Variants in MACROD2 observed in about 807,000 individuals in gnomAD.
The protein encoded by MACROD2 is mono-ADP ribosylhydrolase 2.
A neutral mutation model predicts 70.4 loss-of-function variants in MACROD2; 36 were observed. The ratio of observed to expected loss-of-function variants is 0.51; its 90% CI spans 0.39 to 0.68. MACROD2 has a LOEUF of 0.68. MACROD2 is among the 30% of genes least tolerant of loss of function. The pLI is 0.00. For missense variants in MACROD2, 496 were observed against 538.4 expected, an observed-to-expected ratio of 0.92 and a Z score of 0.78; for synonymous variants, 172 against 178.8, an observed-to-expected ratio of 0.96 and a Z score of 0.30.
chr20:14,791,620 G>A (rs920331422), intron 5 of MACROD2, among the ~76,000 whole-genome samples: 10 of 151,954 alleles, frequency 6.6e-5, no homozygotes, highest in African/African-American at 2.4e-4. Context: ...GATGACCTTA[G>A]ACATGAATCA....
intron 3 of MACROD2, among the ~76,000 whole-genome samples, chr20:14,440,008 A>G (rs2084103938): frequency 1.3e-5 from 2 of 152,252 alleles, no homozygotes; most frequent in East Asian, 3.9e-4. Flanking sequence ...CACATCCCGT[A>G]GGTCATCTCT....
At chr20:14,973,972 G>T (rs754695262) in intron 5 of MACROD2, among the ~76,000 whole-genome samples, 41 of 152,166 alleles carry the variant, frequency 2.7e-4, no homozygotes, top group Non-Finnish European at 4.7e-4. Flanking sequence ...GAAAATTATG[G>T]AAGCCTGCCT....
At chr20:14,926,738 AT>A (rs1255653935) in intron 5 of MACROD2, among the ~76,000 whole-genome samples, 2 of 152,110 alleles carry the variant, frequency 1.3e-5, no homozygotes, top group African/African-American at 4.8e-5. Context: ...TTGACATGAT[AT>A]TTTTTCCCTT....
At chr20:15,977,980 G>A (rs917905087) in intron 13 of MACROD2, among the ~76,000 whole-genome samples, 6 of 152,204 alleles carry the variant, frequency 3.9e-5, no homozygotes, top group Non-Finnish European at 7.3e-5. Flanking sequence ...TAGAGATTAC[G>A]TGTGAAGTAT....
chr20:15,386,037 A>G (rs566132642), intron 6 of MACROD2, among the ~76,000 whole-genome samples: 48 of 152,294 alleles, frequency 3.2e-4, no homozygotes, highest in African/African-American at 1.2e-3. Context: ...TCACATTGAC[A>G]ACGATTAAGA....
intron 2 of MACROD2, among the ~76,000 whole-genome samples, chr20:14,039,912 C>A (rs749917040): frequency 6.6e-6 from 1 of 151,814 alleles, no homozygotes; most frequent in Non-Finnish European, 1.5e-5. Flanking sequence ...GAATTTAACT[C>A]AGTGATGTCG....
At chr20:13,997,438 G>A (rs1043163776) in intron 1 of MACROD2, among the ~76,000 whole-genome samples, 1 of 152,184 alleles carries the variant, frequency 6.6e-6, no homozygotes, top group Non-Finnish European at 1.5e-5. Context: ...GGGCAAAACA[G>A]TGGAAGACAT....
At chr20:15,087,776 A>G (rs1034378315) in intron 5 of MACROD2, among the ~76,000 whole-genome samples, 20 of 152,012 alleles carry the variant, frequency 1.3e-4, no homozygotes, top group African/African-American at 4.6e-4. Flanking sequence ...TGGGAAAAAT[A>G]TGTTACCAAT....
chr20:14,695,471 A>G (rs1011867749), intron 5 of MACROD2, among the ~76,000 whole-genome samples: 5 of 152,196 alleles, frequency 3.3e-5, no homozygotes, highest in African/African-American at 1.2e-4. Context: ...GTTCACATTC[A>G]TAAGTTCCAG....
intron 3 of MACROD2, among the ~76,000 whole-genome samples, chr20:14,131,030 T>G (rs2054712076): frequency 6.6e-6 from 1 of 151,450 alleles, no homozygotes; most frequent in Non-Finnish European, 1.5e-5. Flanking sequence ...GTTCCAGTGC[T>G]CTTCCTGCCT....
At chr20:14,098,533 T>C (rs922734000) in intron 3 of MACROD2, among the ~76,000 whole-genome samples, 2 of 152,216 alleles carry the variant, frequency 1.3e-5, no homozygotes, top group Non-Finnish European at 2.9e-5. Flanking sequence ...GAATAATTGA[T>C]GTAGAATATA....
chr20:14,862,650 T>TATAA (rs2073379101), intron 5 of MACROD2, among the ~76,000 whole-genome samples: 2 of 50,598 alleles, frequency 4.0e-5, no homozygotes, highest in African/African-American at 1.5e-4. Flanking sequence ...TAAATATATA[T>TATAA]ATATAAATAT....
chr20:16,013,490 G>A (rs1431592129), intron 15 of MACROD2, among the ~76,000 whole-genome samples: 1 of 152,138 alleles, frequency 6.6e-6, no homozygotes, highest in Admixed American at 6.5e-5. Flanking sequence ...ATACCTCAGT[G>A]CATATCAAGG....
chr20:14,686,228 CT>C (rs2071000709), intron 5 of MACROD2, among the ~76,000 whole-genome samples: 1 of 151,906 alleles, frequency 6.6e-6, no homozygotes, highest in Non-Finnish European at 1.5e-5. Context: ...GATTTCAGAT[CT>C]TTTTTTCAGA....
At chr20:15,064,431 A>G (rs1023526777) in intron 5 of MACROD2, among the ~76,000 whole-genome samples, 1 of 152,148 alleles carries the variant, frequency 6.6e-6, no homozygotes, top group African/African-American at 2.4e-5. Flanking sequence ...ACATAAGCCC[A>G]CCAAGGTATG....
At chr20:15,669,610 C>T (rs534031338) in intron 8 of MACROD2, among the ~76,000 whole-genome samples, 22 of 152,280 alleles carry the variant, frequency 1.4e-4, no homozygotes, top group Admixed American at 2.6e-4. Flanking sequence ...ATATATGATC[C>T]TCCTTCCTGG....
At chr20:14,996,435 C>A (rs537012793) in intron 5 of MACROD2, among the ~76,000 whole-genome samples, 2 of 152,150 alleles carry the variant, frequency 1.3e-5, no homozygotes, top group African/African-American at 4.8e-5. Flanking sequence ...GGAGGCAGAG[C>A]GAGATGGCTG....
intron 15 of MACROD2, among the ~76,000 whole-genome samples, chr20:16,024,830 G>A (rs938350611): frequency 2.0e-5 from 3 of 152,086 alleles, no homozygotes; most frequent in Non-Finnish European, 4.4e-5. Context: ...TTTTTTACGA[G>A]CAAAAATGTC....
chr20:15,456,330 T>C (rs926166996), intron 7 of MACROD2, among the ~76,000 whole-genome samples: 4 of 152,186 alleles, frequency 2.6e-5, no homozygotes, highest in African/African-American at 4.8e-5. Context: ...CTGCAGATGC[T>C]ATCTCTTCCA....
Sources: allele counts gnomAD v4.1 joint callset (sites outside exome capture counted in the v4.1 genomes callset), GRCh38; gene constraint gnomAD v4.1.1; transcripts MANE v1.5; gene names NCBI Gene and HGNC (gene_info 2026-07-23, HGNC 2026-07-21).